The following PRTG variants were observed in gnomAD, a reference collection of about 807,000 sequenced individuals.
The protein encoded by PRTG is immunoglobulin superfamily, DCC subclass, member 5.
A neutral mutation model predicts 122.5 loss-of-function variants in PRTG; 67 were observed. That is an observed-to-expected ratio of 0.55 (90% CI 0.45 to 0.67). The LOEUF (loss-of-function observed/expected upper bound fraction) is 0.67, where lower values mean the gene tolerates loss of function less well. Among genes scored for constraint, PRTG ranks in the 30% least tolerant of loss-of-function variants. The probability of loss-of-function intolerance (pLI) is 0.00; values close to 1 mark genes in which losing one functional copy is unlikely to be tolerated. For synonymous variants in PRTG, 554 were observed against 501.1 expected (o/e 1.11, Z -1.41); for missense variants, 1,435 against 1,415.4 (o/e 1.01, Z -0.22).
chr15:55,715,576 G>A (rs1274736133), intron 2 of PRTG, among the ~76,000 whole-genome samples: 1 of 152,178 alleles, frequency 6.6e-6, no homozygotes, highest in Admixed American at 6.5e-5. Context: ...GCAGCAGGAA[G>A]TTCCTAATCC....
chr15:55,674,834 G>A (rs1474413455), intron 9 of PRTG, among the ~76,000 whole-genome samples: 3 of 151,986 alleles, frequency 2.0e-5, no homozygotes, highest in Non-Finnish European at 4.4e-5. Context: ...ACATTGCAGG[G>A]TACTAAAAAA....
chr15:55,683,589 T>C (rs547446048), intron 3 of PRTG, among the ~76,000 whole-genome samples, 198 bp downstream of exon 3: 7 of 152,348 alleles, frequency 4.6e-5, no homozygotes, highest in African/African-American at 1.4e-4. Context: ...ATTTAAATTC[T>C]GATCTAAACC....
chr15:55,682,708 G>A (rs1266226803), intron 3 of PRTG, among the ~76,000 whole-genome samples: 1 of 151,926 alleles, frequency 6.6e-6, no homozygotes, highest in Non-Finnish European at 1.5e-5. Flanking sequence ...GGGATTACAG[G>A]TGCGCCACCA....
Position 55,679,445 on chromosome 15 carries a change from G to T in PRTG, c.974C>A (p.Ala325Asp). ...TVAMATLTVL[A>D]PPSFVEWPES... ...TGGCCATTCAACAAATGAAGGAGGA[G>T]CTATTTTTAAAGAAAAAAATGAAAT... Residue 325 changes from alanine (A) to aspartate (D), a missense_variant and splice_region_variant, in exon 7 of 20, where the codon GCT becomes GAT. Physicochemically the swap from Ala to Asp is moderately radical, Grantham distance 126 (BLOSUM62 -2). Transcript: ENST00000389286. 1 of 1,603,064 alleles carries T rather than the reference G, an allele frequency of 6.2e-7. No individual in the cohort carries two copies. Among genetic ancestry groups the T allele is most frequent in the Non-Finnish European group, 8.5e-7 (1 of 1,173,608 alleles).
intron 2 of PRTG, among the ~76,000 whole-genome samples, chr15:55,704,965 C>T (rs2030043154): frequency 6.6e-6 from 1 of 152,088 alleles, no homozygotes; most frequent in Non-Finnish European, 1.5e-5. Context: ...TAAAATTAGG[C>T]TTGACAACAC....
intron 11 of PRTG, among the ~76,000 whole-genome samples, chr15:55,645,800 A>G (rs2059319048): frequency 6.6e-6 from 1 of 152,064 alleles, no homozygotes; most frequent in Admixed American, 6.6e-5. Flanking sequence ...CCACGTATGT[A>G]GTGCTTGGTT....
chr15:55,698,815 G>A (rs929456431), intron 2 of PRTG, among the ~76,000 whole-genome samples: 17 of 151,732 alleles, frequency 1.1e-4, no homozygotes, highest in African/African-American at 2.9e-4. Flanking sequence ...ATCAGGACTC[G>A]TGAATCATGC....
chr15:55,668,421 AAG>A (rs1270748429), intron 11 of PRTG, among the ~76,000 whole-genome samples: 3 of 152,194 alleles, frequency 2.0e-5, no homozygotes. Context: ...CAGATGAAAA[AAG>A]GGGAACAAAT....
chr15:55,735,734 A>G (rs1408754459), intron 2 of PRTG, among the ~76,000 whole-genome samples: 1 of 151,584 alleles, frequency 6.6e-6, no homozygotes, highest in Non-Finnish European at 1.5e-5. Flanking sequence ...AAAAAAAAAA[A>G]AAAAAATTCC....
chr15:55,683,330 A>G (rs930709598), intron 3 of PRTG, among the ~76,000 whole-genome samples: 13 of 151,910 alleles, frequency 8.6e-5, no homozygotes, highest in Admixed American at 5.3e-4. Flanking sequence ...TTCAATCCCA[A>G]CCGCCCGCAG....
chr15:55,663,511 C>T (rs1244968092), intron 11 of PRTG, among the ~76,000 whole-genome samples: 2 of 151,918 alleles, frequency 1.3e-5, no homozygotes, highest in African/African-American at 4.8e-5. Context: ...TCATGGCAAT[C>T]ACTGATACGT....
intron 11 of PRTG, among the ~76,000 whole-genome samples, chr15:55,671,555 C>T (rs944826528): frequency 3.9e-5 from 6 of 152,040 alleles, no homozygotes; most frequent in Non-Finnish European, 7.4e-5. Context: ...AGCGTAGTGG[C>T]GCGATCTTCC....
At chr15:55,640,727 T>C (rs2576934) in intron 12 of PRTG, among the ~76,000 whole-genome samples, 148,342 of 152,254 alleles carry the variant, frequency 0.97, 72,391 homozygotes, top group East Asian at 1. Context: ...TAAGATACTT[T>C]AGCCAGGTGC....
At chr15:55,711,087 TTTTTTTTTTTTTTTAGC>T (rs2030366374) in intron 2 of PRTG, among the ~76,000 whole-genome samples, 1 of 150,066 alleles carries the variant, frequency 6.7e-6, no homozygotes, top group African/African-American at 2.4e-5. Context: ...TTGTATTTTT[TTTTTTTTTTTTTTTAGC>T]AGAGATGAGG....
At chr15:55,723,408 A>AG (rs1439378069) in intron 2 of PRTG, among the ~76,000 whole-genome samples, 37 of 150,534 alleles carry the variant, frequency 2.5e-4, no homozygotes, top group Middle Eastern at 3.4e-3. Context: ...AAAAAAAAAA[A>AG]GGGTGAATAG....
intron 2 of PRTG, among the ~76,000 whole-genome samples, chr15:55,723,062 G>A (rs1383691986): frequency 6.6e-6 from 1 of 152,280 alleles, no homozygotes; most frequent in Non-Finnish European, 1.5e-5. Flanking sequence ...TTGTGAGGAT[G>A]CTACATTTTA....
At chr15:55,626,806 T>C (rs956230470) in intron 17 of PRTG, among the ~76,000 whole-genome samples, 1 of 152,054 alleles carries the variant, frequency 6.6e-6, no homozygotes, top group African/African-American at 2.4e-5. Flanking sequence ...ATTGGCATAA[T>C]GTTTTCAAAC....
intron 11 of PRTG, among the ~76,000 whole-genome samples, chr15:55,662,745 T>G (rs1411993264): frequency 6.6e-6 from 1 of 152,202 alleles, no homozygotes; most frequent in Admixed American, 6.5e-5. Context: ...TCAATGAGAT[T>G]TGCTGGATAT....
At chr15:55,741,846 A>G (rs901532894) in intron 1 of PRTG, among the ~76,000 whole-genome samples, 17 of 150,656 alleles carry the variant, frequency 1.1e-4, no homozygotes, top group African/African-American at 7.3e-5. Flanking sequence ...GAAGGCGCCC[A>G]TTGTGTTTCT....
Sources: allele counts gnomAD v4.1 joint callset (sites outside exome capture counted in the v4.1 genomes callset), GRCh38; gene constraint gnomAD v4.1.1; transcripts MANE v1.5; gene names NCBI Gene and HGNC (gene_info 2026-07-23, HGNC 2026-07-21).